The following RER1 variants were observed in gnomAD, a reference collection of about 807,000 sequenced individuals.
The protein encoded by RER1 is protein RER1.
RER1 carries 6 observed loss-of-function variants against 28.3 expected under a neutral mutation model. The ratio of observed to expected loss-of-function variants is 0.21; its 90% CI spans 0.12 to 0.42. RER1 has a LOEUF of 0.42. Ranked by LOEUF, RER1 falls within the 10% of genes least tolerant of loss-of-function variation. The pLI, the probability that RER1 is intolerant of heterozygous loss-of-function variation, is 1.00. For missense variants in RER1, 159 were observed against 252.9 expected (o/e 0.63, Z 2.52); for synonymous variants, 110 against 95.9 (o/e 1.15, Z -0.86).
chr1:2,395,456 C>T (rs964390815), intron 1 of RER1: 1 of 352,348 alleles, frequency 2.8e-6, no homozygotes, highest in Non-Finnish European at 5.5e-6. Context: ...GTGCCATGGA[C>T]CAGCCAGTGG....
At chr1:2,392,252 C>T (rs1642688357) in intron 1 of RER1, among the ~76,000 whole-genome samples, 1 of 152,120 alleles carries the variant, frequency 6.6e-6, no homozygotes, top group East Asian at 1.9e-4. Context: ...TCGAGCCACC[C>T]GGGCCGCATC....
At chr1:2,401,364 T>C (rs1339291485) in intron 5 of RER1, among the ~76,000 whole-genome samples, 1 of 24,328 alleles carries the variant, frequency 4.1e-5, no homozygotes, top group Non-Finnish European at 8.2e-5. Flanking sequence ...TCCCTCCTCC[T>C]CCCTCCTTCC....
chr1:2,397,911 G>A (rs1642791656), intron 3 of RER1, among the ~76,000 whole-genome samples: 1 of 152,220 alleles, frequency 6.6e-6, no homozygotes, highest in African/African-American at 2.4e-5. Context: ...CATGTTGAAA[G>A]CCTTGTCTGG....
At chr1:2,402,170 T>G (rs530210678) in intron 5 of RER1, 37 bp from the exon 6 acceptor site, 8 of 1,614,026 alleles carry the variant, frequency 5.0e-6, no homozygotes, top group Middle Eastern at 3.3e-4. Context: ...CGGTGCTGGC[T>G]GCAGATGCGG....
rs1642816203 is a variant in RER1 at position 2,399,598 on chromosome 1, AC to A, written c.286+87del. 11 of 814,564 alleles carry A rather than the reference AC, an allele frequency of 1.4e-5. No homozygotes were observed. The Admixed American group carries it at 2.1e-4, about 15-fold the overall frequency. 50.5% of individuals were successfully genotyped at this position (814,564 alleles called of 1,614,324 possible). A position where few individuals can be genotyped will look rare whatever the true frequency, so the allele number is the denominator to read the frequency against. ...GGATTGCCCAGTGTTCTCTGGAAAC[AC>A]CCGAGACTCTTCTCTTGGGGTTGAA... On this transcript the variant is annotated intron_variant, in intron 4 of 6. Coordinates refer to ENST00000605895, the MANE Select transcript of RER1 (RefSeq NM_007033.5).
At chr1:2,401,493 TGA>T (rs1301885964) in intron 5 of RER1, among the ~76,000 whole-genome samples, 28 of 145,590 alleles carry the variant, frequency 1.9e-4, no homozygotes, top group Non-Finnish European at 3.5e-4. Context: ...GAGTCATTTT[TGA>T]GAGGGGTTTG....
chr1:2,392,569 C>T (rs2840533), intron 1 of RER1, among the ~76,000 whole-genome samples: 121,499 of 152,202 alleles, frequency 0.8, 48,682 homozygotes, highest in Middle Eastern at 0.89. Context: ...CCAGGTGTCT[C>T]ACAGCACAGA....
chr1:2,401,309 T>TCCCTCCCC (rs1642851395), intron 5 of RER1, among the ~76,000 whole-genome samples: 2 of 35,944 alleles, frequency 5.6e-5, no homozygotes, highest in Non-Finnish European at 1.1e-4. Flanking sequence ...TCCTGCCGCC[T>TCCCTCCCC]CCTCCCTCCT....
chr1:2,402,679 G>A (rs975716987), intron 6 of RER1, among the ~76,000 whole-genome samples: 2 of 152,216 alleles, frequency 1.3e-5, no homozygotes, highest in Non-Finnish European at 2.9e-5. Flanking sequence ...GGTGTTAGGG[G>A]GAAGTTAGCC....
At chr1:2,400,580 G>A (rs1032500631) in intron 4 of RER1, among the ~76,000 whole-genome samples, 8 of 152,338 alleles carry the variant, frequency 5.3e-5, no homozygotes, top group Non-Finnish European at 1.0e-4. Context: ...TTTACGTGGT[G>A]CAGCTGACGT....
chr1:2,396,063 C>A, intron 2 of RER1, 192 bp downstream of exon 2: 1 of 598,792 alleles, frequency 1.7e-6, no homozygotes. Context: ...TGGGGCCACA[C>A]GTGGTCTATC....
At position 2,393,441 on chromosome 1, in the gene RER1, T is replaced by G. The variant is rs1642721121; in HGVS notation, c.-8+1483T>G. Among the ~76,000 whole-genome samples, 7 of 152,258 alleles carry G rather than the reference T, an allele frequency of 4.6e-5. No homozygotes were observed. In the South Asian group the frequency reaches 1.5e-3, roughly 32 times the overall value. ...GTCAGTGTGGGCGGTAACGGAGGCC[T>G]GTGAAGAGGAGGTGGGCTTCAAACT... On this transcript the variant is annotated intron_variant, in intron 1 of 6. Transcript: ENST00000605895.
intron 1 of RER1, chr1:2,394,411 C>G (rs74782057): frequency 8.5e-5 from 13 of 152,422 alleles, no homozygotes; most frequent in African/African-American, 2.6e-4. Flanking sequence ...CACCTGTTGC[C>G]TTCCACCTGA....
chr1:2,394,826 CT>C (rs1642743712), intron 1 of RER1: 1 of 152,312 alleles, frequency 6.6e-6, no homozygotes, highest in Non-Finnish European at 1.5e-5. Context: ...AACGTCACCC[CT>C]GGCGTCTTCT....
chr1:2,395,309 G>A (rs1415880235), intron 1 of RER1: 1 of 173,208 alleles, frequency 5.8e-6, no homozygotes, highest in African/African-American at 2.4e-5. Flanking sequence ...ACCTGGCCCT[G>A]AGAGGACAGG....
At chr1:2,395,038 G>A (rs1485068358) in intron 1 of RER1, 1 of 152,350 alleles carries the variant, frequency 6.6e-6, no homozygotes, top group African/African-American at 2.4e-5. Context: ...GCTGTGGCAG[G>A]ACCTTGGACA....
rs754128951 is a variant in RER1 at position 2,403,100 on chromosome 1, T to C, written c.567T>C (p.Asp189=). The C allele has an allele frequency of 5.6e-6, 9 of 1,614,100 alleles. No individual in the cohort carries two copies. The highest frequency in any genetic ancestry group is 7.6e-6 in the Non-Finnish European group (9 of 1,179,986). Residue 189 remains aspartate, a synonymous_variant, in exon 7 of 7, where the codon GAT becomes GAC. Transcript: ENST00000605895. ...AGAGAAGGTACAGAGGCAAGGAGGA[T>C]GCCGGCAAGGCCTTCGCCAGCTAGA... The part of the protein sequence containing the change: ...HGKRRYRGKE[D]AGKAFAS
chr1:2,398,651 A>T (rs1252266857), intron 3 of RER1, among the ~76,000 whole-genome samples: 2 of 152,270 alleles, frequency 1.3e-5, no homozygotes, highest in African/African-American at 4.8e-5. Context: ...GGCCTCCCAA[A>T]GTGCTGGGAT....
Position 2,403,479 on chromosome 1 carries a change from C to T in RER1, c.*355C>T, listed in dbSNP as rs1228156684. On this transcript the variant is annotated 3_prime_UTR_variant, in exon 7 of 7. Coordinates refer to ENST00000605895, the MANE Select transcript of RER1 (RefSeq NM_007033.5). The stretch of plus-strand genomic sequence containing the variant: ...GCCTGCGAGGGAGGAACGGGCCGCT[C>T]CCCGCCAGCCGCCTTCCCCAGCAGC... 3.4e-6 allele frequency: 1 copy of T among 298,062 alleles called. No homozygotes were observed. Among genetic ancestry groups the T allele is most frequent in the African/African-American group, 2.2e-5 (1 of 44,554 alleles). 18.5% of individuals were successfully genotyped at this position (298,062 alleles called of 1,614,324 possible).
Sources: allele counts gnomAD v4.1 joint callset (sites outside exome capture counted in the v4.1 genomes callset), GRCh38; gene constraint gnomAD v4.1.1; transcripts MANE v1.5; gene names NCBI Gene and HGNC (gene_info 2026-07-23, HGNC 2026-07-21).